Variants in SLC2A13 observed in about 807,000 individuals in gnomAD.
SLC2A13 encodes the protein proton myo-inositol cotransporter.
SLC2A13 carries 32 observed loss-of-function variants against 64.4 expected under a neutral mutation model. The observed-to-expected ratio is 0.50, with a 90% CI of 0.37 to 0.67. The LOEUF is 0.67. SLC2A13 is among the 30% of genes least tolerant of loss of function. SLC2A13 has a pLI of 0.00. For synonymous variants in SLC2A13, 338 were observed against 327.1 expected (o/e 1.03, Z -0.36); for missense variants, 743 against 829.2 (o/e 0.90, Z 1.28).
intron 3 of SLC2A13, among the ~76,000 whole-genome samples, chr12:39,996,840 AC>A (rs1471504662): frequency 1.3e-5 from 2 of 152,118 alleles, no homozygotes; most frequent in African/African-American, 4.8e-5. Flanking sequence ...AAGGTGAAAA[AC>A]CTCTACATGG....
intron 1 of SLC2A13, among the ~76,000 whole-genome samples, chr12:40,080,177 A>C (rs140618076): frequency 3.5e-3 from 469 of 135,574 alleles, no homozygotes; most frequent in Non-Finnish European, 4.1e-3. Context: ...GTCCTTTTTG[A>C]CCATTGATGG....
intron 3 of SLC2A13, among the ~76,000 whole-genome samples, chr12:40,009,557 G>T (rs1405838806): frequency 6.6e-6 from 1 of 152,132 alleles, no homozygotes; most frequent in African/African-American, 2.4e-5. Context: ...AGCCACCCGA[G>T]TATCTGGGGC....
chr12:39,903,299 C>T (rs1262541319), intron 4 of SLC2A13, among the ~76,000 whole-genome samples: 2 of 152,024 alleles, frequency 1.3e-5, no homozygotes, highest in Admixed American at 1.3e-4. Context: ...AATCAAAATG[C>T]TATATCTGAC....
At chr12:39,805,176 C>G (rs1941937991) in intron 7 of SLC2A13, among the ~76,000 whole-genome samples, 1 of 150,702 alleles carries the variant, frequency 6.6e-6, no homozygotes, top group Admixed American at 6.7e-5. Flanking sequence ...TTGGACGTGG[C>G]CAGAATGTGT....
chr12:39,896,345 T>TATGTATGTATATGTATATGTATAC (rs1944873982), intron 4 of SLC2A13, among the ~76,000 whole-genome samples: 7 of 136,092 alleles, frequency 5.1e-5, no homozygotes, highest in Non-Finnish European at 1.1e-4. Flanking sequence ...TGTATACATA[T>TATGTATGTATATGTATATGTATAC]ATGTATGTAT....
At chr12:39,827,274 A>G (rs781781884) in intron 7 of SLC2A13, among the ~76,000 whole-genome samples, 34 of 152,084 alleles carry the variant, frequency 2.2e-4, no homozygotes, top group Non-Finnish European at 1.0e-4. Context: ...CCTCATAGCA[A>G]AGGCTCTTGG....
chr12:39,764,843 G>A lies in SLC2A13; in HGVS notation c.1461C>T (p.Thr487=). Residue 487 remains threonine (T), a synonymous_variant, in exon 8 of 10, where the codon ACC becomes ACT. Transcript: ENST00000280871. The part of the protein sequence containing the change: ...EAAWGRCENE[T]KFKTEDIFWA... Reference sequence around the variant, plus strand: ...AAAATATATCTTCTGTTTTGAACTTGGTTTCATTTTCACACCTGAAAAATA... The same window carrying A: ...AAAATATATCTTCTGTTTTGAACTTAGTTTCATTTTCACACCTGAAAAATA... 1 of 1,611,736 alleles carries A rather than the reference G, an allele frequency of 6.2e-7. No individual in the cohort carries two copies. Among genetic ancestry groups the A allele is most frequent in the Non-Finnish European group, 8.5e-7 (1 of 1,178,872 alleles).
intron 4 of SLC2A13, among the ~76,000 whole-genome samples, chr12:39,892,660 T>C (rs900385087): frequency 2.0e-5 from 3 of 152,164 alleles, no homozygotes; most frequent in Non-Finnish European, 4.4e-5. Context: ...AAATAGCAAT[T>C]AATAAATATA....
chr12:39,894,706 G>A (rs1185276537), intron 4 of SLC2A13, among the ~76,000 whole-genome samples: 1 of 152,184 alleles, frequency 6.6e-6, no homozygotes, highest in African/African-American at 2.4e-5. Context: ...CAATCATTAA[G>A]TTCAAAGTCA....
chr12:39,925,224 G>C (rs73092232), intron 4 of SLC2A13, among the ~76,000 whole-genome samples: 1 of 151,642 alleles, frequency 6.6e-6, no homozygotes, highest in Non-Finnish European at 1.5e-5. Flanking sequence ...CTGTAGAGAC[G>C]GGGTTTCACC....
chr12:39,972,203 T>C (rs1185681483), intron 3 of SLC2A13, among the ~76,000 whole-genome samples: 1 of 139,736 alleles, frequency 7.2e-6, no homozygotes, highest in African/African-American at 2.6e-5. Flanking sequence ...TCTTCACTGA[T>C]GGTCAATTGT....
At chr12:40,023,962 T>A (rs1159343731) in intron 3 of SLC2A13, among the ~76,000 whole-genome samples, 2 of 152,188 alleles carry the variant, frequency 1.3e-5, no homozygotes, top group East Asian at 1.9e-4. Context: ...AGCAGAAAAA[T>A]TCAAATATAT....
intron 3 of SLC2A13, among the ~76,000 whole-genome samples, chr12:40,016,909 C>T (rs1395717213): frequency 2.0e-5 from 3 of 152,184 alleles, no homozygotes; most frequent in Non-Finnish European, 2.9e-5. Context: ...TCCTAATATA[C>T]ACATAAATTC....
intron 4 of SLC2A13, among the ~76,000 whole-genome samples, chr12:39,894,613 A>C (rs1421000933): frequency 6.6e-6 from 1 of 152,234 alleles, no homozygotes; most frequent in African/African-American, 2.4e-5. Flanking sequence ...AAATGATTAC[A>C]AGGGAAAATA....
chr12:39,816,940 C>T (rs1260664891), intron 7 of SLC2A13, among the ~76,000 whole-genome samples: 2 of 152,056 alleles, frequency 1.3e-5, no homozygotes, highest in African/African-American at 4.8e-5. Context: ...ACTGGGTATG[C>T]TTTATCATTT....
chr12:40,028,370 G>A lies in SLC2A13; in HGVS notation c.856C>T (p.Gln286Ter). Residue 286 changes from glutamine to a stop codon, truncating the protein, a stop_gained, in exon 3 of 10, where the codon CAG becomes TAG. Coordinates refer to ENST00000280871, the MANE Select transcript of SLC2A13 (RefSeq NM_052885.4). LOFTEE classifies it high-confidence loss of function. ...RRILSQMRGN[Q>*]TIDEEYDSIK... is the part of the protein sequence containing the mutation. ...CTATCATATTCCTCATCAATGGTCT[G>A]GTTACCACGCATCTGAGATAAAATT... The A allele has an allele frequency of 6.2e-7, 1 of 1,613,906 alleles. No individual in the cohort carries two copies. Among genetic ancestry groups the A allele is most frequent in the Non-Finnish European group, 8.5e-7 (1 of 1,179,954 alleles).
At chr12:39,768,296 T>A (rs1212683832) in intron 7 of SLC2A13, among the ~76,000 whole-genome samples, 1 of 152,104 alleles carries the variant, frequency 6.6e-6, no homozygotes, top group Non-Finnish European at 1.5e-5. Flanking sequence ...TCCAGACCAC[T>A]CAAACTTTCT....
chr12:39,823,618 A>T (rs372878252), intron 7 of SLC2A13, among the ~76,000 whole-genome samples: 2 of 151,548 alleles, frequency 1.3e-5, no homozygotes, highest in Non-Finnish European at 2.9e-5. Context: ...GATGATGATG[A>T]TATTATTATT....
intron 1 of SLC2A13, among the ~76,000 whole-genome samples, chr12:40,083,770 G>A (rs1317646504): frequency 1.3e-5 from 2 of 152,174 alleles, no homozygotes; most frequent in Non-Finnish European, 2.9e-5. Flanking sequence ...AGGAGATTAA[G>A]AAAGAAAAGA....
Sources: allele counts gnomAD v4.1 joint callset (sites outside exome capture counted in the v4.1 genomes callset), GRCh38; gene constraint gnomAD v4.1.1; transcripts MANE v1.5; gene names NCBI Gene and HGNC (gene_info 2026-07-23, HGNC 2026-07-21).